The following STS variants were observed in gnomAD, a reference collection of about 807,000 sequenced individuals.
STS encodes the protein steroid sulfatase.
A neutral mutation model predicts 26.8 loss-of-function variants in STS; 7 were observed. The observed-to-expected ratio is 0.26, with a 90% CI of 0.15 to 0.49. The LOEUF (loss-of-function observed/expected upper bound fraction) is 0.49. Among genes scored for constraint, STS ranks in the 20% least tolerant of loss-of-function variants. The pLI is 0.98. For missense variants in STS, 434 were observed against 465.6 expected, an observed-to-expected ratio of 0.93 and a Z score of 0.63; for synonymous variants, 199 against 189.4, an observed-to-expected ratio of 1.05 and a Z score of -0.42.
intron 2 of STS, among the ~76,000 whole-genome samples, chrX:7,197,476 C>T (rs1438368569): frequency 3.6e-5 from 4 of 110,789 alleles, no homozygotes; most frequent in Non-Finnish European, 7.6e-5. Context: ...TAGGGCGTTC[C>T]CGAAGCTAAG....
intron 2 of STS, among the ~76,000 whole-genome samples, chrX:7,206,242 A>AAGAT (rs2147034004): frequency 8.9e-6 from 1 of 112,129 alleles, no homozygotes; most frequent in South Asian, 3.7e-4. Context: ...CTATTAGCTG[A>AAGAT]AGATTGGGAC....
At chrX:7,169,925 GA>G (rs1933432891) in intron 1 of STS, among the ~76,000 whole-genome samples, 1 of 110,274 alleles carries the variant, frequency 9.1e-6, no homozygotes, top group Non-Finnish European at 1.9e-5. Context: ...GCGGTTCCCA[GA>G]AACGGCACCA....
In STS at chrX:7,335,060, A is replaced by G. The variant is rs779929204; in HGVS notation, c.1363+953A>G. On this transcript the variant is annotated intron_variant, in intron 10 of 10. Coordinates refer to ENST00000674429, the MANE Select transcript of STS (RefSeq NM_001320752.2). ...CTTTGCTAGTGTGAATAGTGCCACAATAAACATACTTGTGCATGTGTCTTT... is the reference window on the plus strand; with the variant it reads ...CTTTGCTAGTGTGAATAGTGCCACAGTAAACATACTTGTGCATGTGTCTTT... Among the ~76,000 whole-genome samples the G allele has an allele frequency of 8.9e-5, 10 of 112,741 alleles. No homozygotes were observed. The South Asian group carries it at 3.3e-3, about 37-fold the overall frequency.
At chrX:7,246,459 A>G (rs1186781925) in intron 2 of STS, among the ~76,000 whole-genome samples, 3 of 66,711 alleles carry the variant, frequency 4.5e-5, no homozygotes, top group Non-Finnish European at 8.8e-5. Flanking sequence ...CCGCCACCAC[A>G]CCCGGCTAAT....
chrX:7,266,474 G>A (rs963858941), intron 6 of STS, among the ~76,000 whole-genome samples: 12 of 111,742 alleles, frequency 1.1e-4, no homozygotes, highest in Non-Finnish European at 1.9e-4. Context: ...TGAGGAGAGC[G>A]ATGATTTAGA....
At chrX:7,293,044 G>A (rs1051610140) in intron 7 of STS, among the ~76,000 whole-genome samples, 1 of 111,635 alleles carries the variant, frequency 9.0e-6, no homozygotes, top group East Asian at 2.8e-4. Context: ...AGAGTGGGTA[G>A]GGTGGCAGGG....
chrX:7,244,525 A>G (rs766869823), intron 2 of STS, among the ~76,000 whole-genome samples: 1 of 111,871 alleles, frequency 8.9e-6, no homozygotes, highest in African/African-American at 3.3e-5. Context: ...TATGTTCAGG[A>G]GGTGAAAATT....
intron 1 of STS, among the ~76,000 whole-genome samples, chrX:7,169,933 A>G (rs370372122): frequency 9.1e-6 from 1 of 110,463 alleles, no homozygotes; most frequent in East Asian, 2.9e-4. Context: ...CAGAAACGGC[A>G]CCACAGAGGG....
intron 9 of STS, among the ~76,000 whole-genome samples, chrX:7,330,157 A>G (rs1927678455): frequency 8.9e-6 from 1 of 111,946 alleles, no homozygotes; most frequent in African/African-American, 3.2e-5. Context: ...TTGGAAATAA[A>G]TGGAGGACAA....
chrX:7,171,091 AC>A (rs762612535), intron 1 of STS, among the ~76,000 whole-genome samples: 1 of 111,205 alleles, frequency 9.0e-6, no homozygotes, highest in Non-Finnish European at 1.9e-5. Flanking sequence ...GTCCAGAGGA[AC>A]CCTCCAAATC....
intron 7 of STS, among the ~76,000 whole-genome samples, chrX:7,283,325 A>G (rs1032197857): frequency 2.5e-4 from 28 of 112,042 alleles, no homozygotes; most frequent in African/African-American, 8.4e-4. Flanking sequence ...AGACTCAGAG[A>G]AGTGTGATCA....
intron 2 of STS, among the ~76,000 whole-genome samples, chrX:7,236,546 T>C (rs1268137703): frequency 1.8e-5 from 2 of 112,374 alleles, no homozygotes; most frequent in African/African-American, 6.5e-5. Flanking sequence ...TGACACCTTA[T>C]AGTATTTGGC....
chrX:7,162,992 C>T (rs1357270834), intron 1 of STS, among the ~76,000 whole-genome samples: 1 of 100,323 alleles, frequency 1.0e-5, no homozygotes, highest in African/African-American at 3.7e-5. Context: ...GGGATGCAGA[C>T]GTTGCAGTGA....
At chrX:7,319,871 T>G (rs2147155156) in intron 8 of STS, among the ~76,000 whole-genome samples, 1 of 103,315 alleles carries the variant, frequency 9.7e-6, no homozygotes, top group South Asian at 4.1e-4. Flanking sequence ...GCTTACTAAA[T>G]AAGTGACAGT....
At chrX:7,157,067 A>G (rs1009106824) in intron 1 of STS, among the ~76,000 whole-genome samples, 1 of 111,940 alleles carries the variant, frequency 8.9e-6, no homozygotes, top group African/African-American at 3.2e-5. Context: ...TGTCTTGTGC[A>G]GTAGTGGATG....
At chrX:7,253,358 T>A in intron 3 of STS, 22 bp downstream of exon 3, 1 of 1,210,686 alleles carries the variant, frequency 8.3e-7, no homozygotes, top group South Asian at 1.8e-5. Context: ...AGCTCCTCAG[T>A]AAACACATGG....
chrX:7,204,079 C>G (rs1184982654), intron 2 of STS, among the ~76,000 whole-genome samples: 2 of 112,157 alleles, frequency 1.8e-5, no homozygotes, highest in Non-Finnish European at 3.8e-5. Flanking sequence ...AGCCACTGCA[C>G]CTGGACAGAT....
chrX:7,257,332 C>T lies in STS; in HGVS notation c.228C>T (p.Ala76=), dbSNP rs781320111. 1.7e-6 allele frequency: 2 copies of T among 1,212,059 alleles called. No individual in the cohort carries two copies. Among genetic ancestry groups the T allele is most frequent in the South Asian group, 3.5e-5 (2 of 57,018 alleles). Residue 76 remains alanine (A), a synonymous_variant, in exon 4 of 11, where the codon GCC becomes GCT. Transcript: ENST00000674429. The part of the protein sequence containing the change: ...ASPLCTPSRA[A]FMTGRYPVRS... Reference sequence around the variant, plus strand: ...CGCTGTGCACACCAAGCAGGGCAGCCTTCATGACTGGCCGGTACCCTGTCC... The same window carrying T: ...CGCTGTGCACACCAAGCAGGGCAGCTTTCATGACTGGCCGGTACCCTGTCC...
At chrX:7,151,329 G>T (rs1933007590) in intron 1 of STS, among the ~76,000 whole-genome samples, 1 of 111,629 alleles carries the variant, frequency 9.0e-6, no homozygotes, top group Admixed American at 9.5e-5. Flanking sequence ...AGGGTAACAG[G>T]TTGGACTAGG....
Sources: allele counts gnomAD v4.1 joint callset (sites outside exome capture counted in the v4.1 genomes callset), GRCh38; gene constraint gnomAD v4.1.1; transcripts MANE v1.5; gene names NCBI Gene and HGNC (gene_info 2026-07-23, HGNC 2026-07-21).